The following NHSL1 variants were observed in gnomAD, a reference collection of about 807,000 sequenced individuals.
The protein encoded by NHSL1 is NHS like 1.
Under a neutral mutation model 95.0 loss-of-function variants are expected in NHSL1, and 48 were observed. The ratio of observed to expected loss-of-function variants is 0.51; its 90% CI spans 0.40 to 0.64. The LOEUF is 0.64. Ranked by LOEUF, NHSL1 falls within the 30% of genes least tolerant of loss-of-function variation. The pLI is 0.00. For synonymous variants in NHSL1, 783 were observed against 833.9 expected (o/e 0.94, Z 1.05); for missense variants, 1,971 against 2,077.7 (o/e 0.95, Z 1.00).
chr6:138,577,247 A>G (rs1783985618), upstream of NHSL1, among the ~76,000 whole-genome samples: 1 of 152,248 alleles, frequency 6.6e-6, no homozygotes, highest in Non-Finnish European at 1.5e-5. Flanking sequence ...TTTCAACGCA[A>G]CCAGGCATGT....
chr6:138,489,825 G>A (rs188696325), intron 2 of NHSL1, among the ~76,000 whole-genome samples: 94 of 76,178 alleles, frequency 1.2e-3, no homozygotes, highest in East Asian at 5.2e-3. Context: ...AGGGAGAGAG[G>A]GAGAGAGAGA....
chr6:138,597,053 C>T (rs1784311355), intron 1 of NHSL1, among the ~76,000 whole-genome samples: 1 of 152,034 alleles, frequency 6.6e-6, no homozygotes, highest in South Asian at 2.1e-4. Flanking sequence ...CCCAGATACT[C>T]AGGAGGCTGA....
chr6:138,635,882 G>A (rs1420882931), intron 1 of NHSL1, among the ~76,000 whole-genome samples: 3 of 151,212 alleles, frequency 2.0e-5, no homozygotes, highest in Non-Finnish European at 4.4e-5. Flanking sequence ...GGGAGGCTGA[G>A]GTGAGCAGAT....
At position 138,437,436 on chromosome 6, in the gene NHSL1, ACAC is replaced by A. The variant is rs1161303920; in HGVS notation, c.665-3759_665-3757del. ...TATACACACACACACACACACACAC[ACAC>A]ACACACAAAAAAAAAAAAAAAAAAT... On this transcript the variant is annotated intron_variant, in intron 5 of 7. Transcript: ENST00000343505. Among the ~76,000 whole-genome samples the A allele has an allele frequency of 8.4e-4, 32 of 38,148 alleles. 2 individuals are homozygous for A. The highest frequency in any genetic ancestry group is 3.5e-3 in the Admixed American group (15 of 4,234). The allele number at this position is 38,148 out of a possible 152,430, so 25.0% of individuals were successfully genotyped here.
chr6:138,444,545 A>T (rs1279152545), intron 4 of NHSL1, among the ~76,000 whole-genome samples: 1 of 151,432 alleles, frequency 6.6e-6, no homozygotes, highest in Non-Finnish European at 1.5e-5. Flanking sequence ...ACCTCTATGC[A>T]TGGTGGGCTG....
chr6:138,601,799 A>T (rs1784374621), intron 1 of NHSL1, among the ~76,000 whole-genome samples: 2 of 152,050 alleles, frequency 1.3e-5, no homozygotes, highest in South Asian at 4.2e-4. Context: ...CGACAGAGCG[A>T]GACTCCATCT....
intron 1 of NHSL1, among the ~76,000 whole-genome samples, chr6:138,602,512 T>C (rs867682750): frequency 1.3e-5 from 2 of 152,232 alleles, no homozygotes; most frequent in South Asian, 4.2e-4. Flanking sequence ...CAGCTAATTT[T>C]TGTATTTTTA....
chr6:138,622,790 G>C (rs900017047), intron 1 of NHSL1, among the ~76,000 whole-genome samples: 1 of 152,148 alleles, frequency 6.6e-6, no homozygotes, highest in Non-Finnish European at 1.5e-5. Context: ...GCCTACGCTT[G>C]GTACACCAGA....
In NHSL1 at chr6:138,513,054, T is replaced by C. The variant is rs150327663; in HGVS notation, c.17-16683A>G. ...CTTGATGTGCTATGTGTTCTACACA[T>C]GGCAGACACCCCCTCTGATATTTCT... On this transcript the variant is annotated intron_variant, in intron 1 of 4. Coordinates refer to the NHSL1 transcript ENST00000342260. Among the ~76,000 whole-genome samples, 948 of 152,320 alleles carry C rather than the reference T, an allele frequency of 6.2e-3. 23 individuals are homozygous for C. Among genetic ancestry groups the C allele is most frequent in the Admixed American group, 0.048 (734 of 15,302 alleles).
intron 5 of NHSL1, among the ~76,000 whole-genome samples, chr6:138,438,719 AG>A (rs1776344700): frequency 6.6e-6 from 1 of 152,184 alleles, no homozygotes; most frequent in East Asian, 1.9e-4. Context: ...AATATTTACA[AG>A]TTAGTTTATT....
At chr6:138,615,493 C>T (rs980140326) in intron 1 of NHSL1, among the ~76,000 whole-genome samples, 4 of 152,230 alleles carry the variant, frequency 2.6e-5, no homozygotes, top group South Asian at 2.1e-4. Context: ...CTTTTTGAGA[C>T]GGAGTCTCGC....
At chr6:138,464,694 C>G (rs907738364) in intron 3 of NHSL1, among the ~76,000 whole-genome samples, 5 of 143,734 alleles carry the variant, frequency 3.5e-5, no homozygotes, top group African/African-American at 5.4e-5. Context: ...GATATTTTCT[C>G]TTCACTTTTT....
chr6:138,686,372 T>A (rs1005353577), intron 1 of NHSL1, among the ~76,000 whole-genome samples: 2 of 151,930 alleles, frequency 1.3e-5, no homozygotes, highest in East Asian at 3.9e-4. Flanking sequence ...AATGTAAAAA[T>A]TAGCCTGGCA....
intron 1 of NHSL1, among the ~76,000 whole-genome samples, chr6:138,513,882 G>A (rs1415376204): frequency 6.6e-6 from 1 of 152,112 alleles, no homozygotes; most frequent in Non-Finnish European, 1.5e-5. Flanking sequence ...ATGATACAGA[G>A]GCCATGGCTC....
upstream of NHSL1, among the ~76,000 whole-genome samples, chr6:138,501,542 T>C (rs927599290): frequency 1.3e-5 from 2 of 152,162 alleles, no homozygotes. Context: ...AACAAAACTG[T>C]GTAATGAATC....
At chr6:138,528,044 T>C (rs765624030) in intron 1 of NHSL1, among the ~76,000 whole-genome samples, 1 of 152,186 alleles carries the variant, frequency 6.6e-6, no homozygotes, top group Non-Finnish European at 1.5e-5. Context: ...CATATTCCAA[T>C]CCATATTTTG....
At chr6:138,451,160 A>G (rs929059404) in intron 3 of NHSL1, among the ~76,000 whole-genome samples, 9 of 151,670 alleles carry the variant, frequency 5.9e-5, no homozygotes, top group Non-Finnish European at 4.4e-5. Context: ...CCCTGACTGC[A>G]TTTCCTACTG....
intron 1 of NHSL1, among the ~76,000 whole-genome samples, chr6:138,559,783 T>C (rs113735984): frequency 2.4e-3 from 359 of 152,324 alleles, no homozygotes; most frequent in Non-Finnish European, 3.7e-3. Flanking sequence ...CATTTTCTGT[T>C]TGATAACATA....
intron 3 of NHSL1, chr6:138,464,320 A>C: frequency 1.6e-6 from 1 of 623,500 alleles, no homozygotes; most frequent in Non-Finnish European, 2.9e-6. Context: ...TCAGCGCCAC[A>C]CTCCTGGAGC....
Sources: gnomAD v4.1 joint callset for allele counts (sites outside exome capture counted in the v4.1 genomes callset) on GRCh38, gnomAD v4.1.1 for gene constraint, MANE v1.5 for transcripts, NCBI Gene and HGNC (gene_info 2026-07-23, HGNC 2026-07-21) for gene names.